The following HNRNPK variants were observed in gnomAD, a reference collection of about 807,000 sequenced individuals.
HNRNPK encodes the protein dC-stretch binding protein.
A neutral mutation model predicts 67.0 loss-of-function variants in HNRNPK; 7 were observed. The ratio of observed to expected loss-of-function variants is 0.10; its 90% CI spans 0.06 to 0.20. HNRNPK has a LOEUF of 0.20. Ranked by LOEUF, HNRNPK falls within the 10% of genes least tolerant of loss-of-function variation. The pLI is 1.00. For synonymous variants in HNRNPK, 213 were observed against 193.7 expected (o/e 1.10, Z -0.83); for missense variants, 264 against 606.5 (o/e 0.44, Z 5.93).
chr9:83,973,938 C>G lies in HNRNPK; in HGVS notation c.366G>C (p.Gln122His). The change falls in exon 8 of 17, where the codon CAG (glutamine) becomes CAC (histidine). Residue 122 changes from glutamine (Q) to histidine (H), a missense_variant. Coordinates refer to ENST00000376263, the MANE Select transcript of HNRNPK (RefSeq NM_031263.4). ...LQLPSPTATS[Q>H]LPLESDAVEC... is the part of the protein sequence containing the mutation. ...CCACAGCATCAGATTCGAGCGGGAGCTGGCTGGTTGCAGTGGGTGATGGCA... is the reference window on the plus strand; with the variant it reads ...CCACAGCATCAGATTCGAGCGGGAGGTGGCTGGTTGCAGTGGGTGATGGCA... 2.5e-6 allele frequency: 4 copies of G among 1,613,864 alleles called. No homozygotes were observed. The South Asian group carries it at 3.3e-5, about 13-fold the overall frequency.
intron 10 of HNRNPK, among the ~76,000 whole-genome samples, 153 bp downstream of exon 10, chr9:83,972,691 T>A (rs1289054209): frequency 6.6e-6 from 1 of 152,228 alleles, no homozygotes; most frequent in Non-Finnish European, 1.5e-5. Flanking sequence ...AAACCATTTT[T>A]AAATTAAAGT....
chr9:83,974,404 T>C (rs1403326674), intron 7 of HNRNPK, 113 bp downstream of exon 7: 4 of 552,550 alleles, frequency 7.2e-6, no homozygotes, highest in South Asian at 2.5e-5. Context: ...AAGATACTGC[T>C]ACAAACTGTC....
At chr9:83,979,725 AT>A (rs1410923285) in intron 1 of HNRNPK, among the ~76,000 whole-genome samples, 12 of 80,994 alleles carry the variant, frequency 1.5e-4, no homozygotes, top group African/African-American at 4.9e-4. Flanking sequence ...CATCCCCCGC[AT>A]CCTCCCCCCA....
At chr9:83,974,006 G>A (rs749442259) in intron 7 of HNRNPK, 33 bp from the exon 8 acceptor site, 10 of 1,424,058 alleles carry the variant, frequency 7.0e-6, no homozygotes, top group Non-Finnish European at 9.9e-6. Context: ...AATAGGTTAA[G>A]TGTCTAGCGT....
At chr9:83,974,057 C>G (rs1352651100) in intron 7 of HNRNPK, 84 bp from the exon 8 acceptor site, 2 of 785,422 alleles carry the variant, frequency 2.5e-6, no homozygotes, top group African/African-American at 1.8e-5. Flanking sequence ...GCTACTACAA[C>G]ATATTTTAAA....
intron 1 of HNRNPK, among the ~76,000 whole-genome samples, chr9:83,978,964 T>C (rs1026502519): frequency 8.5e-5 from 13 of 152,150 alleles, no homozygotes; most frequent in Non-Finnish European, 4.4e-5. Flanking sequence ...AAATCTAATA[T>C]AGGACCAGAC....
At chr9:83,973,100 G>T (rs1956926836) in intron 9 of HNRNPK, 128 bp from the exon 10 acceptor site, 1 of 786,796 alleles carries the variant, frequency 1.3e-6, no homozygotes, top group South Asian at 1.9e-5. Flanking sequence ...AATTATCACA[G>T]GGCTTTGCAA....
chr9:83,973,480 AATAT>A, intron 8 of HNRNPK, 81 bp from the exon 9 acceptor site: 3 of 826,878 alleles, frequency 3.6e-6, no homozygotes, highest in Middle Eastern at 2.3e-4. Context: ...GCATAACAAT[AATAT>A]ACTGTTGCAG....
At position 83,977,893 on chromosome 9, in the gene HNRNPK, C is replaced by G. The variant is rs967545362; in HGVS notation, c.59-107G>C. Reference sequence around the variant, plus strand: ...AATCTTAGGCATGTTTTGAAAAGACCAAAGGCATTGCTACAGACTTGAACG... The same window carrying G: ...AATCTTAGGCATGTTTTGAAAAGACGAAAGGCATTGCTACAGACTTGAACG... On this transcript the variant is annotated intron_variant, in intron 3 of 16. Transcript: ENST00000376263. 1.7e-5 allele frequency: 12 copies of G among 709,198 alleles called. No individual in the cohort carries two copies. In the African/African-American group the frequency reaches 2.0e-4, roughly 12 times the overall value. 43.9% of individuals were successfully genotyped at this position (709,198 alleles called of 1,614,324 possible).
At position 83,972,824 on chromosome 9, in the gene HNRNPK, CAA is replaced by C. The variant is rs1209501747; in HGVS notation, c.645+18_645+19del. On this transcript the variant is annotated intron_variant, in intron 10 of 16. Coordinates refer to ENST00000376263, the MANE Select transcript of HNRNPK (RefSeq NM_031263.4). Reference sequence around the variant, plus strand: ...TTTGTTTCATAAAATCAAATGTAAACAAAAAGTGTTCTGAAGTACCTCAGATA... The same window carrying C: ...TTTGTTTCATAAAATCAAATGTAAACAAAGTGTTCTGAAGTACCTCAGATA... 7 of 1,560,204 alleles carry C rather than the reference CAA, an allele frequency of 4.5e-6. No individual in the cohort carries two copies. The highest frequency in any genetic ancestry group is 2.3e-5 in the East Asian group (1 of 43,230).
chr9:83,971,733 G>A lies in HNRNPK; in HGVS notation c.954-7C>T, dbSNP rs757356822. Reference sequence around the variant, plus strand: ...GTCATAGGCCATGAGGTCTCTGCAAGCATAGTACTTGTTGTAATCTAAACG... The same window carrying A: ...GTCATAGGCCATGAGGTCTCTGCAAACATAGTACTTGTTGTAATCTAAACG... On this transcript the variant is annotated splice_region_variant and splice_polypyrimidine_tract_variant and intron_variant, in intron 11 of 16. Coordinates refer to ENST00000376263, the MANE Select transcript of HNRNPK (RefSeq NM_031263.4). The A allele has an allele frequency of 1.2e-6, 2 of 1,613,120 alleles. No homozygotes were observed. The highest frequency in any genetic ancestry group is 2.2e-5 in the East Asian group (1 of 44,876).
chr9:83,974,433 C>T lies in HNRNPK; in HGVS notation c.330+84G>A, dbSNP rs893603093. On this transcript the variant is annotated intron_variant, in intron 7 of 16. Transcript: ENST00000376263. ...AACTGTCATATCCATTGTCTCTCCA[C>T]CTCCCCCATCATACCCCAATACAAC... 2.0e-5 allele frequency: 13 copies of T among 640,360 alleles called. No individual in the cohort carries two copies. In the African/African-American group the frequency reaches 2.0e-4, roughly 10 times the overall value. The allele number at this position is 640,360 out of a possible 1,614,324, so 39.7% of individuals were successfully genotyped here.
chr9:83,976,800 C>T (rs1295502402), intron 5 of HNRNPK, 195 bp downstream of exon 5: 11 of 407,678 alleles, frequency 2.7e-5, no homozygotes, highest in Non-Finnish European at 2.2e-5. Context: ...AAAGAAACCA[C>T]CCCCCCACCC....
intron 16 of HNRNPK, chr9:83,969,680 T>G (rs1956734354): frequency 1.6e-6 from 1 of 610,228 alleles, no homozygotes; most frequent in Admixed American, 3.0e-5. Context: ...TTGTTAATAT[T>G]TGGTAGAAAA....
intron 7 of HNRNPK, 141 bp downstream of exon 7, chr9:83,974,376 A>C (rs1413039174): frequency 2.1e-6 from 1 of 482,082 alleles, no homozygotes; most frequent in Non-Finnish European, 3.6e-6. Flanking sequence ...ACGCATGTAC[A>C]AAATTATGTA....
At chr9:83,970,353 ATG>A in intron 15 of HNRNPK, 22 bp from the exon 16 acceptor site, 4 of 1,594,242 alleles carry the variant, frequency 2.5e-6, no homozygotes, top group Non-Finnish European at 3.4e-6. Context: ...TTTTAAAAGT[ATG>A]TGTTTACGAT....
chr9:83,977,879 T>C (rs1243639095), intron 3 of HNRNPK, 93 bp from the exon 4 acceptor site: 1 of 811,874 alleles, frequency 1.2e-6, no homozygotes, highest in Non-Finnish European at 2.0e-6. Flanking sequence ...ATCTTAGGCA[T>C]GTTTTGAAAA....
chr9:83,971,586 A>T, intron 12 of HNRNPK, 86 bp downstream of exon 12: 11 of 1,125,308 alleles, frequency 9.8e-6, no homozygotes, highest in Non-Finnish European at 1.5e-5. Context: ...AAAACTTTTT[A>T]ATCACTATAA....
At position 83,976,946 on chromosome 9, in the gene HNRNPK, CA is replaced by C. The variant is rs764463482; in HGVS notation, c.213+48del. 18 of 1,035,974 alleles carry C rather than the reference CA, an allele frequency of 1.7e-5. No individual in the cohort carries two copies. In the African/African-American group the frequency reaches 2.7e-4, roughly 16 times the overall value. The allele number at this position is 1,035,974 out of a possible 1,614,324, so 64.2% of individuals were successfully genotyped here. The stretch of plus-strand genomic sequence containing the variant: ...ATGTAAATCTTTAAATTTCTATAGA[CA>C]TATAAACTGAAGCTGCTCGTGTAGT... On this transcript the variant is annotated intron_variant, in intron 5 of 16. Coordinates refer to ENST00000376263, the MANE Select transcript of HNRNPK (RefSeq NM_031263.4).
Sources: gnomAD v4.1 joint callset for allele counts (sites outside exome capture counted in the v4.1 genomes callset) on GRCh38, gnomAD v4.1.1 for gene constraint, MANE v1.5 for transcripts, NCBI Gene and HGNC (gene_info 2026-07-23, HGNC 2026-07-21) for gene names.